The following TTBK1 variants were observed in gnomAD, a reference collection of about 807,000 sequenced individuals.
TTBK1 encodes tau-tubulin kinase 1.
Under a neutral mutation model 108.5 loss-of-function variants are expected in TTBK1, and 34 were observed. The ratio of observed to expected loss-of-function variants is 0.31; its 90% CI spans 0.24 to 0.42. The LOEUF (loss-of-function observed/expected upper bound fraction) is 0.42. TTBK1 is among the 10% of genes least tolerant of loss of function. TTBK1 has a pLI of 1.00. For synonymous variants in TTBK1, 809 were observed against 795.1 expected (o/e 1.02, Z -0.29); for missense variants, 1,539 against 1,826.0 (o/e 0.84, Z 2.86).
At chr6:43,252,677 A>G in intron 2 of TTBK1, 62 bp from the exon 3 acceptor site, 1 of 1,575,558 alleles carries the variant, frequency 6.3e-7, no homozygotes, top group African/African-American at 1.4e-5. Context: ...ACCAAGCAGC[A>G]GGTGGGATGA....
chr6:43,248,785 G>A (rs1206256663), intron 2 of TTBK1, among the ~76,000 whole-genome samples: 1 of 152,148 alleles, frequency 6.6e-6, no homozygotes, highest in Non-Finnish European at 1.5e-5. Context: ...TTGAGCCCAG[G>A]AGTTCAAATC....
Position 43,253,484 on chromosome 6 carries a change from G to T in TTBK1, c.331-84G>T. ...AGGGCAGTGGGCACAACCCTTTGGG[G>T]TGAGGCTGGGAAGAGTATCACAATG... On this transcript the variant is annotated intron_variant, in intron 4 of 14. Transcript: ENST00000259750. This position sits in a 1 kb window ranked among gnomAD's most constrained non-coding sequence, Gnocchi z 5.8. 1.9e-6 allele frequency: 3 copies of T among 1,591,156 alleles called. No homozygotes were observed. The highest frequency in any genetic ancestry group is 1.1e-5 in the South Asian group (1 of 88,450).
intron 1 of TTBK1, among the ~76,000 whole-genome samples, chr6:43,246,203 C>T (rs998617478): frequency 2.0e-5 from 3 of 152,212 alleles, no homozygotes; most frequent in African/African-American, 7.2e-5. Flanking sequence ...CTCTGTTGCA[C>T]AGCTCCATGG....
At chr6:43,261,417 TCC>T (rs1337244134) in intron 12 of TTBK1, among the ~76,000 whole-genome samples, 2 of 151,928 alleles carry the variant, frequency 1.3e-5, no homozygotes, top group African/African-American at 2.4e-5. Flanking sequence ...GTGTAGCACC[TCC>T]CCACACACAC....
rs780222324 is a variant in TTBK1 at position 43,257,915 on chromosome 6, G to A, written c.965G>A (p.Ser322Asn). Reference protein sequence around the residue: ...KAGTDALLSTSTSTPPQQNTR... With the variant: ...KAGTDALLSTNTSTPPQQNTR... ...GGCACCGATGCCCTCCTGTCCACGA[G>A]CACCTCTACCCCGCCCCAGCAGAAC... Residue 322 changes from serine (S) to asparagine (N), a missense_variant, in exon 10 of 15, where the codon AGC (serine) becomes AAC (asparagine). Transcript: ENST00000259750. The surrounding 1 kb of genome is among the most constrained non-coding windows in gnomAD (Gnocchi z 4.5). 1.9e-6 allele frequency: 3 copies of A among 1,613,964 alleles called. No individual in the cohort carries two copies. The highest frequency in any genetic ancestry group is 2.5e-6 in the Non-Finnish European group (3 of 1,180,010).
Position 43,282,972 on chromosome 6 carries a change from GGAA to G in TTBK1, c.2238_2240del (p.Glu747del), listed in dbSNP as rs1191235069. 1.1e-5 allele frequency: 18 copies of G among 1,606,402 alleles called. No individual in the cohort carries two copies. The highest frequency in any genetic ancestry group is 1.7e-5 in the Admixed American group (1 of 59,260). On this transcript the variant is annotated inframe_deletion, in exon 14 of 15. Coordinates refer to ENST00000259750, the MANE Select transcript of TTBK1 (RefSeq NM_032538.3). The surrounding 1 kb of genome is among the most constrained non-coding windows in gnomAD (Gnocchi z 5.4). ...AGGAGGAGGAGGAAGATGAGGAAGA[GGAA>G]GAAGAGGATGAGGAAGAAGAAGAGG...
Position 43,282,685 on chromosome 6 carries a change from G to C in TTBK1, c.1987-42G>C, listed in dbSNP as rs377116463. 20 of 1,527,802 alleles carry C rather than the reference G, an allele frequency of 1.3e-5. No homozygotes were observed. The highest frequency in any genetic ancestry group is 6.0e-5 in the Admixed American group (3 of 50,152). The allele number at this position is 1,527,802 out of a possible 1,614,324, so 94.6% of individuals were successfully genotyped here. On this transcript the variant is annotated intron_variant, in intron 13 of 14. Transcript: ENST00000259750. This position sits in a 1 kb window ranked among gnomAD's most constrained non-coding sequence, Gnocchi z 5.4. The stretch of plus-strand genomic sequence containing the variant: ...AGCTGAAGTCTTCCTGGGCCCAGGA[G>C]GGTGGGTGACCTCAGAGGGTCCCTG...
chr6:43,271,234 CTG>C lies in TTBK1; in HGVS notation c.1986+7888_1986+7889del, dbSNP rs1425820054. On this transcript the variant is annotated intron_variant, in intron 13 of 14. Coordinates refer to ENST00000259750, the MANE Select transcript of TTBK1 (RefSeq NM_032538.3). ...TTGCAAAATGTTTATTTCAGTGAGA[CTG>C]TGTCTGTATGTTTGCTTGTGTGCAT... is the stretch of plus-strand genomic sequence containing the variant. 3.0e-6 allele frequency: 3 copies of C among 985,360 alleles called. No individual in the cohort carries two copies. In the African/African-American group the frequency reaches 5.2e-5, roughly 17 times the overall value. 61.0% of individuals were successfully genotyped at this position (985,360 alleles called of 1,614,324 possible).
chr6:43,247,237 A>G (rs966738755), intron 2 of TTBK1, among the ~76,000 whole-genome samples: 1 of 152,126 alleles, frequency 6.6e-6, no homozygotes, highest in Non-Finnish European at 1.5e-5. Context: ...CATCTTCTCC[A>G]TCCAGCCTCC....
chr6:43,278,106 A>T lies in TTBK1; in HGVS notation c.1987-4621A>T, dbSNP rs536609167. Reference sequence around the variant, plus strand: ...CTGGGGTCCAGGCAGGAGTGGCTCCATGCACCCTGTGTGGGGGTTAAGGGT... The same window carrying T: ...CTGGGGTCCAGGCAGGAGTGGCTCCTTGCACCCTGTGTGGGGGTTAAGGGT... On this transcript the variant is annotated intron_variant, in intron 13 of 14. Coordinates refer to ENST00000259750, the MANE Select transcript of TTBK1 (RefSeq NM_032538.3). Among the ~76,000 whole-genome samples the T allele has an allele frequency of 3.9e-5, 6 of 152,194 alleles. No individual in the cohort carries two copies. In the South Asian group the frequency reaches 1.2e-3, roughly 32 times the overall value.
chr6:43,254,679 G>T (rs771942917), intron 6 of TTBK1, 28 bp downstream of exon 6: 2 of 1,512,324 alleles, frequency 1.3e-6, no homozygotes, highest in South Asian at 2.6e-5. Context: ...GGGGAGGACA[G>T]TGGAGGACTC....
rs758604593 is a variant in TTBK1, at chr6:43,263,299, G to A, written c.1935G>A (p.Ser645=). The A allele has an allele frequency of 1.3e-5, 20 of 1,496,240 alleles. No individual in the cohort carries two copies. Among genetic ancestry groups the A allele is most frequent in the African/African-American group, 4.2e-5 (3 of 71,402 alleles). 92.7% of individuals were successfully genotyped at this position (1,496,240 alleles called of 1,614,324 possible). A position where few individuals can be genotyped will look rare whatever the true frequency, so the allele number is the denominator to read the frequency against. The stretch of plus-strand genomic sequence containing the variant: ...GCCCTTCCCACTCACCCCTGCACTC[G>A]GGACCCCGCCCTCGACGGAGAGAGT... ...PGSPSHSPLH[S]GPRPRRRESD... The change falls in exon 13 of 15, where the codon TCG becomes TCA. Residue 645 remains serine (S), a synonymous_variant. Transcript: ENST00000259750. This position sits in a 1 kb window ranked among gnomAD's most constrained non-coding sequence, Gnocchi z 4.7.
At chr6:43,252,452 C>G (rs556003458) in intron 2 of TTBK1, among the ~76,000 whole-genome samples, 70 of 152,042 alleles carry the variant, frequency 4.6e-4, no homozygotes, top group Middle Eastern at 3.4e-3. Context: ...ATGGTGAAAC[C>G]CTGTCTCTAC....
In TTBK1 at chr6:43,284,921, A is replaced by C. The variant is rs145096643; in HGVS notation, c.3573-62A>C. 320 of 1,471,926 alleles carry C rather than the reference A, an allele frequency of 2.2e-4. 4 individuals are homozygous for C. In the East Asian group the frequency reaches 8.5e-3, roughly 39 times the overall value. 91.2% of individuals were successfully genotyped at this position (1,471,926 alleles called of 1,614,324 possible). A position where few individuals can be genotyped will look rare whatever the true frequency, so the allele number is the denominator to read the frequency against. On this transcript the variant is annotated intron_variant, in intron 14 of 14. Coordinates refer to ENST00000259750, the MANE Select transcript of TTBK1 (RefSeq NM_032538.3). ...GCTCAGTGCCCAGGAGGATTCTGAA[A>C]TATTTCTCCTTGTTTTGTTTCTTTG...
rs906681791 is a variant in TTBK1 at position 43,246,465 on chromosome 6, A to G, written c.-54-142A>G. ...TCTCCCTTGCACTGGCCTTTATACA[A>G]TCTTTCCCCTGGTAACTCCTGGAGC... On this transcript the variant is annotated intron_variant, in intron 1 of 14. Transcript: ENST00000259750. 2.4e-5 allele frequency: 12 copies of G among 507,770 alleles called. No homozygotes were observed. In the East Asian group the frequency reaches 2.9e-4, roughly 12 times the overall value. 31.5% of individuals were successfully genotyped at this position (507,770 alleles called of 1,614,324 possible). A position where few individuals can be genotyped will look rare whatever the true frequency, so the allele number is the denominator to read the frequency against.
In TTBK1 at chr6:43,263,606, G is replaced by A. The variant is rs1777603841; in HGVS notation, c.1986+256G>A. On this transcript the variant is annotated intron_variant, in intron 13 of 14. Coordinates refer to ENST00000259750, the MANE Select transcript of TTBK1 (RefSeq NM_032538.3). The surrounding 1 kb of genome is among the most constrained non-coding windows in gnomAD (Gnocchi z 4.7). ...AAGCCAAGTGACAAGGCAGGAGAAG[G>A]GCCTCGCAGGCCACGGGCACAGTGT... Among the ~76,000 whole-genome samples the A allele has an allele frequency of 2.0e-5, 3 of 152,220 alleles. No individual in the cohort carries two copies. Among genetic ancestry groups the A allele is most frequent in the Admixed American group, 6.5e-5 (1 of 15,288 alleles).
At chr6:43,271,998 C>A (rs1340776374) in intron 13 of TTBK1, 1 of 985,232 alleles carries the variant, frequency 1.0e-6, no homozygotes, top group African/African-American at 1.7e-5. Flanking sequence ...CAAGGTGGAC[C>A]CTTTGAGAAG....
At chr6:43,284,781 A>T (rs933761032) in intron 14 of TTBK1, among the ~76,000 whole-genome samples, 10 of 152,202 alleles carry the variant, frequency 6.6e-5, no homozygotes, top group Non-Finnish European at 1.2e-4. Context: ...TTCCAGCAGC[A>T]GCCTGGAAGC....
In TTBK1 at chr6:43,260,238, G is replaced by A. The variant is rs552048039; in HGVS notation, c.1424+532G>A. ...TGAGAAGCTAGGTGAGCCTTTAGGA[G>A]GTGAAGATGGGAGGGTGGGAGAATG... On this transcript the variant is annotated intron_variant, in intron 12 of 14. Coordinates refer to ENST00000259750, the MANE Select transcript of TTBK1 (RefSeq NM_032538.3). Among the ~76,000 whole-genome samples, 6 of 152,338 alleles carry A rather than the reference G, an allele frequency of 3.9e-5. No individual in the cohort carries two copies. In the South Asian group the frequency reaches 8.3e-4, roughly 21 times the overall value.
Sources: gnomAD v4.1 joint callset for allele counts (sites outside exome capture counted in the v4.1 genomes callset) on GRCh38, gnomAD v4.1.1 for gene constraint, Gnocchi (gnomAD v3.1) non-coding constraint, MANE v1.5 for transcripts, NCBI Gene and HGNC (gene_info 2026-07-23, HGNC 2026-07-21) for gene names.